Variants in HOXC8 observed in about 807,000 individuals in gnomAD.
HOXC8 encodes the protein homeobox C8.
Under a neutral mutation model 25.8 loss-of-function variants are expected in HOXC8, and 14 were observed. That is an observed-to-expected ratio of 0.54 (90% CI 0.36 to 0.85). HOXC8 has a LOEUF of 0.85. Ranked by LOEUF, HOXC8 falls within the 40% of genes least tolerant of loss-of-function variation. The probability of loss-of-function intolerance (pLI) is 0.01; values close to 1 mark genes in which losing one functional copy is unlikely to be tolerated. For missense variants in HOXC8, 316 were observed against 308.8 expected (o/e 1.02, Z -0.17); for synonymous variants, 144 against 124.6 (o/e 1.16, Z -1.04).
At chr12:54,010,107 A>G (rs1462365730) in intron 1 of HOXC8, among the ~76,000 whole-genome samples, 1 of 152,110 alleles carries the variant, frequency 6.6e-6, no homozygotes, top group South Asian at 2.1e-4. Flanking sequence ...TTTGGAACAA[A>G]CCAGTTTCTC....
At chr12:54,010,363 C>G (rs1211091949) in intron 1 of HOXC8, among the ~76,000 whole-genome samples, 1 of 152,152 alleles carries the variant, frequency 6.6e-6, no homozygotes, top group Non-Finnish European at 1.5e-5. Flanking sequence ...AAAGAGTGCT[C>G]AAAAGGAGAG....
rs1939937907 is a variant in HOXC8 at position 54,009,592 on chromosome 12, A to T, written c.308A>T (p.Gln103Leu). The stretch of plus-strand genomic sequence containing the variant: ...CCCAGACAGTCCCTTTATGGGGCTC[A>T]GCAAGAGGCGAGCGTGGTGCAATAT... Reference protein sequence around the residue: ...ALPRQSLYGAQQEASVVQYPD... With the variant: ...ALPRQSLYGALQEASVVQYPD... The change falls in exon 1 of 2, where the codon CAG (glutamine) becomes CTG (leucine). Residue 103 changes from glutamine to leucine, a missense_variant. Gln to Leu is a moderately radical substitution (Grantham distance 113, BLOSUM62 -2). Coordinates refer to ENST00000040584, the MANE Select transcript of HOXC8 (RefSeq NM_022658.4). This position sits in a 1 kb window ranked among gnomAD's most constrained non-coding sequence, Gnocchi z 5.0. 1 of 1,614,110 alleles carries T rather than the reference A, an allele frequency of 6.2e-7. No individual in the cohort carries two copies. The highest frequency in any genetic ancestry group is 1.1e-5 in the South Asian group (1 of 91,080).
rs1397093351 is a variant in HOXC8 at position 54,009,202 on chromosome 12, C to CG, written c.-77dup. ...AGCCAGCTGGCCTGGGGTTCGGTCC[C>CG]GGGGGGAGGGGAGTTTCGGGGGTAC... On this transcript the variant is annotated 5_prime_UTR_variant, in exon 1 of 2. Coordinates refer to ENST00000040584, the MANE Select transcript of HOXC8 (RefSeq NM_022658.4). This position sits in a 1 kb window ranked among gnomAD's most constrained non-coding sequence, Gnocchi z 5.0. The CG allele has an allele frequency of 3.2e-6, 4 of 1,240,006 alleles. No individual in the cohort carries two copies. The highest frequency in any genetic ancestry group is 2.2e-5 in the Admixed American group (1 of 44,988). 76.8% of individuals were successfully genotyped at this position (1,240,006 alleles called of 1,614,324 possible).
rs754810589 is a variant in HOXC8, at chr12:54,009,528, C to T, written c.244C>T (p.His82Tyr). The change falls in exon 1 of 2, where the codon CAC (histidine) becomes TAC (tyrosine). Residue 82 changes from histidine (H) to tyrosine (Y), a missense_variant. Transcript: ENST00000040584. This position sits in a 1 kb window ranked among gnomAD's most constrained non-coding sequence, Gnocchi z 5.0. Reference protein sequence around the residue: ...YQQNPCSLSCHGDASKFYGYE... With the variant: ...YQQNPCSLSCYGDASKFYGYE... ...GCAGAACCCGTGCTCGCTTAGCTGC[C>T]ACGGAGACGCCTCCAAATTCTATGG... 6.2e-7 allele frequency: 1 copy of T among 1,614,214 alleles called. No homozygotes were observed. Among genetic ancestry groups the T allele is most frequent in the South Asian group, 1.1e-5 (1 of 91,088 alleles).
At chr12:54,010,815 CT>C (rs1216102509) in intron 1 of HOXC8, among the ~76,000 whole-genome samples, 1 of 152,108 alleles carries the variant, frequency 6.6e-6, no homozygotes, top group Non-Finnish European at 1.5e-5. Context: ...GATTACAGGC[CT>C]GGTGGGGGGG....
rs771490357 is a variant in HOXC8, at chr12:54,011,173, T to A, written c.521T>A (p.Leu174Ter). Reference protein sequence around the residue: ...LEKEFLFNPYLTRKRRIEVSH... With the variant: ...LEKEFLFNPY ...AAGGAGTTTCTCTTTAATCCTTATTTGACACGAAAACGTCGGATTGAAGTC... is the reference window on the plus strand; with the variant it reads ...AAGGAGTTTCTCTTTAATCCTTATTAGACACGAAAACGTCGGATTGAAGTC... The change falls in exon 2 of 2, where the codon TTG becomes TAG. Residue 174 changes from leucine (L) to a stop codon, truncating the protein, a stop_gained. Transcript: ENST00000040584. LOFTEE classifies it high-confidence loss of function. 1 of 1,614,128 alleles carries A rather than the reference T, an allele frequency of 6.2e-7. No individual in the cohort carries two copies. The highest frequency in any genetic ancestry group is 2.2e-5 in the East Asian group (1 of 44,878).
Position 54,011,092 on chromosome 12 carries a change from C to T in HOXC8, c.440C>T (p.Pro147Leu), listed in dbSNP as rs201628503. The T allele has an allele frequency of 4.8e-5, 78 of 1,612,900 alleles. 1 individual carries two copies. The Admixed American group carries it at 7.8e-4, about 16-fold the overall frequency. The stretch of plus-strand genomic sequence containing the variant: ...ACTGGGGTTTTCTTCTGTCCAGCTC[C>T]GGGGAGGCGCAGTGGACGGCAAACT... ...LMFPWMRPHA[P>L]GRRSGRQTYS... Residue 147 changes from proline (P) to leucine (L), a missense_variant, in exon 2 of 2, where the codon CCG (proline) becomes CTG (leucine). Coordinates refer to ENST00000040584, the MANE Select transcript of HOXC8 (RefSeq NM_022658.4).
Position 54,011,678 on chromosome 12 carries a change from T to G in HOXC8, c.*297T>G. 5.3e-6 allele frequency: 1 copy of G among 189,060 alleles called. No individual in the cohort carries two copies. The highest frequency in any genetic ancestry group is 1.1e-5 in the Non-Finnish European group (1 of 92,014). 11.7% of individuals were successfully genotyped at this position (189,060 alleles called of 1,614,324 possible). A position where few individuals can be genotyped will look rare whatever the true frequency, so the allele number is the denominator to read the frequency against. ...TCCCTGCCCCCACCCTTCTGAGTCCTTCCTGGATTTTAAGGTCTGAGACCT... is the reference window on the plus strand; with the variant it reads ...TCCCTGCCCCCACCCTTCTGAGTCCGTCCTGGATTTTAAGGTCTGAGACCT... On this transcript the variant is annotated 3_prime_UTR_variant, in exon 2 of 2. Transcript: ENST00000040584.
In HOXC8 at chr12:54,011,258, G is replaced by T; in HGVS notation, c.606G>T (p.Met202Ile). The change falls in exon 2 of 2, where the codon ATG becomes ATT. Residue 202 changes from methionine to isoleucine, a missense_variant. Physicochemically the swap from Met to Ile is conservative, Grantham distance 10. Coordinates refer to ENST00000040584, the MANE Select transcript of HOXC8 (RefSeq NM_022658.4). Reference protein sequence around the residue: ...QVKIWFQNRRMKWKKENNKDK... With the variant: ...QVKIWFQNRRIKWKKENNKDK... Reference sequence around the variant, plus strand: ...AGATCTGGTTCCAGAACCGAAGGATGAAGTGGAAAAAGGAGAACAACAAGG... The same window carrying T: ...AGATCTGGTTCCAGAACCGAAGGATTAAGTGGAAAAAGGAGAACAACAAGG... The T allele has an allele frequency of 6.2e-7, 1 of 1,609,978 alleles. No homozygotes were observed. The highest frequency in any genetic ancestry group is 8.5e-7 in the Non-Finnish European group (1 of 1,178,366).
In HOXC8 at chr12:54,011,766, AT is replaced by A. The variant is rs527319199; in HGVS notation, c.*389del. 9 of 156,972 alleles carry A rather than the reference AT, an allele frequency of 5.7e-5. No homozygotes were observed. The East Asian group carries it at 1.6e-3, about 29-fold the overall frequency. The allele number at this position is 156,972 out of a possible 1,614,324, so 9.7% of individuals were successfully genotyped here. Reference sequence around the variant, plus strand: ...CCACCTCCCTGCTTCTCTGGTATTTATTTTAGAGGGGAGCCCCCTCGAAATG... The same window carrying A: ...CCACCTCCCTGCTTCTCTGGTATTTATTTAGAGGGGAGCCCCCTCGAAATG... On this transcript the variant is annotated 3_prime_UTR_variant, in exon 2 of 2. Transcript: ENST00000040584.
chr12:54,011,062 A>G, intron 1 of HOXC8, 27 bp from the exon 2 acceptor site: 1 of 1,556,346 alleles, frequency 6.4e-7, no homozygotes, highest in Non-Finnish European at 8.9e-7. Context: ...TCCAAACGTA[A>G]CCAGACTGGG....
rs539821544 is a variant in HOXC8 at position 54,009,120 on chromosome 12, C to A, written c.-165C>A. 1.7e-6 allele frequency: 1 copy of A among 597,212 alleles called. No homozygotes were observed. Among genetic ancestry groups the A allele is most frequent in the East Asian group, 2.8e-5 (1 of 35,596 alleles). The allele number at this position is 597,212 out of a possible 1,614,324, so 37.0% of individuals were successfully genotyped here. On this transcript the variant is annotated 5_prime_UTR_variant, in exon 1 of 2. Transcript: ENST00000040584. The surrounding 1 kb of genome is among the most constrained non-coding windows in gnomAD (Gnocchi z 5.0). Reference sequence around the variant, plus strand: ...CTGCTGATCCGGCCGAGCTCAGCACCGAGGCGCCCCCCAACCTGCCCAGCC... The same window carrying A: ...CTGCTGATCCGGCCGAGCTCAGCACAGAGGCGCCCCCCAACCTGCCCAGCC...
Position 54,009,280 on chromosome 12 carries a change from C to G in HOXC8, c.-5C>G, listed in dbSNP as rs1278116844. On this transcript the variant is annotated 5_prime_UTR_variant, in exon 1 of 2. Transcript: ENST00000040584. This position sits in a 1 kb window ranked among gnomAD's most constrained non-coding sequence, Gnocchi z 5.0. ...GAGGGGGCCGCGGGTTTTCATGTAC[C>G]CAGCATGAGCTCCTACTTCGTCAAC... is the stretch of plus-strand genomic sequence containing the variant. 6.4e-7 allele frequency: 1 copy of G among 1,571,762 alleles called. No individual in the cohort carries two copies. Among genetic ancestry groups the G allele is most frequent in the East Asian group, 2.3e-5 (1 of 44,274 alleles).
chr12:54,012,374 C>T lies in HOXC8; in HGVS notation c.*993C>T, dbSNP rs572249872. 7 of 150,264 alleles carry T rather than the reference C, an allele frequency of 4.7e-5. No homozygotes were observed. The South Asian group carries it at 1.5e-3, about 32-fold the overall frequency. 9.3% of individuals were successfully genotyped at this position (150,264 alleles called of 1,614,324 possible). A position where few individuals can be genotyped will look rare whatever the true frequency, so the allele number is the denominator to read the frequency against. On this transcript the variant is annotated 3_prime_UTR_variant, in exon 2 of 2. Coordinates refer to ENST00000040584, the MANE Select transcript of HOXC8 (RefSeq NM_022658.4). ...AAAAAAGAAAGAAAGAAACCTCCAG[C>T]GTATTTTATCACTACCTATAGAAAG...
Position 54,011,743 on chromosome 12 carries a change from ACCT to A in HOXC8, c.*365_*367del, listed in dbSNP as rs1406685098. ...TCGGTCTGTCTCTCACCACACTCCC[ACCT>A]CCCTGCTTCTCTGGTATTTATTTTA... On this transcript the variant is annotated 3_prime_UTR_variant, in exon 2 of 2. Coordinates refer to ENST00000040584, the MANE Select transcript of HOXC8 (RefSeq NM_022658.4). 1.3e-5 allele frequency: 2 copies of A among 157,952 alleles called. No homozygotes were observed. The highest frequency in any genetic ancestry group is 4.9e-5 in the African/African-American group (2 of 41,040). The allele number at this position is 157,952 out of a possible 1,614,324, so 9.8% of individuals were successfully genotyped here. A position where few individuals can be genotyped will look rare whatever the true frequency, so the allele number is the denominator to read the frequency against.
In HOXC8 at chr12:54,009,024, G is replaced by GCGCCGCCGCCGCCGC. The variant is rs371683123; in HGVS notation, c.-253_-239dup. 2.0e-5 allele frequency: 3 copies of GCGCCGCCGCCGCCGC among 152,298 alleles called. No homozygotes were observed. Among genetic ancestry groups the GCGCCGCCGCCGCCGC allele is most frequent in the African/African-American group, 7.5e-5 (3 of 40,112 alleles). 9.4% of individuals were successfully genotyped at this position (152,298 alleles called of 1,614,324 possible). A position where few individuals can be genotyped will look rare whatever the true frequency, so the allele number is the denominator to read the frequency against. On this transcript the variant is annotated 5_prime_UTR_variant, in exon 1 of 2. Coordinates refer to ENST00000040584, the MANE Select transcript of HOXC8 (RefSeq NM_022658.4). This position sits in a 1 kb window ranked among gnomAD's most constrained non-coding sequence, Gnocchi z 5.0. ...GAGCTCTACCTACCGACAGTGAGGA[G>GCGCCGCCGCCGCCGC]CGCCGCCGCCGCCGCCGCCGCCCGC...
chr12:54,010,550 G>A (rs879631910), intron 1 of HOXC8, among the ~76,000 whole-genome samples: 1 of 152,228 alleles, frequency 6.6e-6, no homozygotes. Context: ...GACAAGTTCC[G>A]GCGGGGATGG....
Position 54,009,333 on chromosome 12 carries a change from G to A in HOXC8, c.49G>A (p.Glu17Lys). 1 of 1,605,632 alleles carries A rather than the reference G, an allele frequency of 6.2e-7. No homozygotes were observed. Among genetic ancestry groups the A allele is most frequent in the Non-Finnish European group, 8.5e-7 (1 of 1,173,872 alleles). The change falls in exon 1 of 2, where the codon GAG becomes AAG. Residue 17 changes from glutamate to lysine, a missense_variant. Glu to Lys is a moderately conservative substitution (Grantham distance 56, BLOSUM62 1). Transcript: ENST00000040584. The surrounding 1 kb of genome is among the most constrained non-coding windows in gnomAD (Gnocchi z 5.0). ...NPLFSKYKAG[E>K]SLEPAYYDCR... ...CCTGTTCTCCAAATACAAAGCCGGC[G>A]AGTCCCTGGAACCGGCCTATTACGA...
rs980265262 is a variant in HOXC8, at chr12:54,009,775, C to G, written c.436+55C>G. 70 of 1,452,842 alleles carry G rather than the reference C, an allele frequency of 4.8e-5. No homozygotes were observed. The highest frequency in any genetic ancestry group is 1.6e-4 in the Admixed American group (9 of 57,150). The allele number at this position is 1,452,842 out of a possible 1,614,324, so 90.0% of individuals were successfully genotyped here. A position where few individuals can be genotyped will look rare whatever the true frequency, so the allele number is the denominator to read the frequency against. ...TCTCCCGCGCTCCAGGGTTTCCCCC[C>G]CTCCCTCGCCTCCTTTTTGTCTGCC... is the stretch of plus-strand genomic sequence containing the variant. On this transcript the variant is annotated intron_variant, in intron 1 of 1. Transcript: ENST00000040584. This position sits in a 1 kb window ranked among gnomAD's most constrained non-coding sequence, Gnocchi z 5.0.
Sources: allele counts gnomAD v4.1 joint callset (sites outside exome capture counted in the v4.1 genomes callset), GRCh38; gene constraint gnomAD v4.1.1; non-coding constraint Gnocchi (gnomAD v3.1); transcripts MANE v1.5; gene names NCBI Gene and HGNC (gene_info 2026-07-23, HGNC 2026-07-21).